Variants in RBFOX3 observed in about 807,000 individuals in gnomAD.
RBFOX3 encodes the protein RNA binding fox-1 homolog 3, also known as RNA binding protein fox-1 homolog 3.
Under a neutral mutation model 48.7 loss-of-function variants are expected in RBFOX3, and 17 were observed. The observed-to-expected ratio is 0.35, with a 90% CI of 0.24 to 0.52. The LOEUF (loss-of-function observed/expected upper bound fraction) is 0.52, where lower values mean the gene tolerates loss of function less well. Among genes scored for constraint, RBFOX3 ranks in the 20% least tolerant of loss-of-function variants. The pLI is 0.94. For synonymous variants in RBFOX3, 212 were observed against 209.5 expected (o/e 1.01, Z -0.10); for missense variants, 382 against 497.5 (o/e 0.77, Z 2.21).
intron 1 of RBFOX3, among the ~76,000 whole-genome samples, chr17:79,545,213 G>C (rs747158476): frequency 4.6e-5 from 7 of 152,204 alleles, no homozygotes; most frequent in Non-Finnish European, 8.8e-5. Flanking sequence ...CTAAGAGAAG[G>C]TATCAGAATC....
At chr17:79,651,076 G>T in the RBFOX3 span, among the ~76,000 whole-genome samples, 3 of 152,334 alleles carry the variant, frequency 2.0e-5, no homozygotes, top group Admixed American at 2.0e-4. Context: ...TCCCTGCAGG[G>T]TTGAGTTCCA....
chr17:79,451,325 G>A (rs1347238023), intron 2 of RBFOX3, among the ~76,000 whole-genome samples: 2 of 152,222 alleles, frequency 1.3e-5, no homozygotes, highest in African/African-American at 4.8e-5. Flanking sequence ...GGGACTGTCA[G>A]TGTGGGTGAC....
intron 2 of RBFOX3, among the ~76,000 whole-genome samples, chr17:79,465,143 C>T (rs1417273735): frequency 6.6e-6 from 1 of 152,200 alleles, no homozygotes; most frequent in Non-Finnish European, 1.5e-5. Flanking sequence ...GGCCCTCAGA[C>T]CCTCGAGCCG....
intron 2 of RBFOX3, among the ~76,000 whole-genome samples, chr17:79,464,316 C>T (rs1285381484): frequency 8.5e-5 from 13 of 152,226 alleles, no homozygotes; most frequent in Non-Finnish European, 1.2e-4. Context: ...GAAATGTTAG[C>T]GACAGCCCGG....
chr17:79,629,118 G>A, the RBFOX3 span, among the ~76,000 whole-genome samples: 2 of 152,234 alleles, frequency 1.3e-5, no homozygotes, highest in East Asian at 1.9e-4. Context: ...CCCGCGCCCT[G>A]GGTGTGGAGT....
rs961410697 is a variant in RBFOX3, at chr17:79,381,650, C to T, written c.-174-73826G>A. On this transcript the variant is annotated intron_variant, in intron 2 of 14. Coordinates refer to ENST00000693108, the MANE Select transcript of RBFOX3 (RefSeq NM_001350451.2). Reference sequence around the variant, plus strand: ...GTGTGAATAAACTGACCACCTTGTACGACTTCGATCTGTTATTGAGGTAGG... The same window carrying T: ...GTGTGAATAAACTGACCACCTTGTATGACTTCGATCTGTTATTGAGGTAGG... 3.9e-5 allele frequency among the ~76,000 whole-genome samples: 6 copies of T among 152,204 alleles called. No individual in the cohort carries two copies. The East Asian group carries it at 9.6e-4, about 24-fold the overall frequency.
intron 1 of RBFOX3, among the ~76,000 whole-genome samples, chr17:79,587,876 A>G (rs2093303850): frequency 6.6e-6 from 1 of 152,134 alleles, no homozygotes; most frequent in African/African-American, 2.4e-5. Context: ...ATGGGCTCTC[A>G]CCCAGGCTGG....
chr17:79,649,681 A>G, the RBFOX3 span, among the ~76,000 whole-genome samples: 1 of 152,158 alleles, frequency 6.6e-6, no homozygotes, highest in African/African-American at 2.4e-5. Flanking sequence ...ACTTCAGCCG[A>G]CAGAGCAACA....
At chr17:79,336,832 G>A (rs2081269301) in intron 2 of RBFOX3, among the ~76,000 whole-genome samples, 1 of 152,166 alleles carries the variant, frequency 6.6e-6, no homozygotes. Flanking sequence ...AATAAAAAGT[G>A]AAGTGGGCCG....
chr17:79,245,646 T>C (rs2063063072), intron 3 of RBFOX3, among the ~76,000 whole-genome samples: 1 of 150,004 alleles, frequency 6.7e-6, no homozygotes, highest in African/African-American at 2.5e-5. Flanking sequence ...TTTTTTTTTT[T>C]TTGAGACACC....
chr17:79,663,049 C>T, the RBFOX3 span, among the ~76,000 whole-genome samples: 1 of 152,120 alleles, frequency 6.6e-6, no homozygotes, highest in African/African-American at 2.4e-5. Flanking sequence ...CCCTGGTTAC[C>T]CTGGCATTTC....
At chr17:79,286,990 T>C (rs1308635237) in intron 3 of RBFOX3, among the ~76,000 whole-genome samples, 1 of 152,228 alleles carries the variant, frequency 6.6e-6, no homozygotes, top group Non-Finnish European at 1.5e-5. Context: ...GAAAGCAGCA[T>C]GAAGCCAGGC....
chr17:79,175,486 G>A lies in RBFOX3; in HGVS notation c.-33-59738C>T, dbSNP rs145647206. Among the ~76,000 whole-genome samples the A allele has an allele frequency of 3.6e-4, 55 of 152,364 alleles. 1 individual carries two copies. In the East Asian group the frequency reaches 9.3e-3, roughly 26 times the overall value. ...GGATCTCCCGGTGTGGGCACTGGCC[G>A]AGGGTGGGGTGACTGGGGTCCTTTC... On this transcript the variant is annotated intron_variant, in intron 4 of 14. Transcript: ENST00000693108.
intron 3 of RBFOX3, among the ~76,000 whole-genome samples, chr17:79,258,981 CTCTT>C (rs2065307997): frequency 6.6e-6 from 1 of 152,388 alleles, no homozygotes; most frequent in East Asian, 1.9e-4. Flanking sequence ...GGGAAGCCTG[CTCTT>C]TCTAAGTGGC....
At chr17:79,202,213 C>G (rs548394670) in intron 4 of RBFOX3, among the ~76,000 whole-genome samples, 1 of 152,086 alleles carries the variant, frequency 6.6e-6, no homozygotes, top group Non-Finnish European at 1.5e-5. Context: ...CTGGACTGTG[C>G]TCTGTCCCGC....
intron 4 of RBFOX3, among the ~76,000 whole-genome samples, chr17:79,144,059 C>T (rs968362280): frequency 7.2e-5 from 11 of 152,246 alleles, no homozygotes; most frequent in African/African-American, 2.7e-4. Flanking sequence ...GAGGAGGACA[C>T]ATCTAAGCCA....
intron 1 of RBFOX3, among the ~76,000 whole-genome samples, chr17:79,593,084 G>A (rs2093469141): frequency 6.6e-6 from 1 of 152,174 alleles, no homozygotes; most frequent in Non-Finnish European, 1.5e-5. Flanking sequence ...GGGGACAGAA[G>A]TGGGTGGCAG....
the RBFOX3 span, among the ~76,000 whole-genome samples, chr17:79,640,068 A>G: frequency 6.6e-6 from 1 of 152,188 alleles, no homozygotes; most frequent in African/African-American, 2.4e-5. Context: ...TACGTAGAAA[A>G]CCCTAAAAAC....
intron 1 of RBFOX3, among the ~76,000 whole-genome samples, chr17:79,582,196 CCGTGTATGTGCCTGTG>C (rs1212412385): frequency 1.3e-5 from 2 of 149,304 alleles, no homozygotes; most frequent in African/African-American, 5.0e-5. Context: ...ACGTGCCTGC[CCGTGTATGTGCCTGTG>C]CGTGCCTGTG....
Sources: gnomAD v4.1 joint callset for allele counts (sites outside exome capture counted in the v4.1 genomes callset) on GRCh38, gnomAD v4.1.1 for gene constraint, MANE v1.5 for transcripts, NCBI Gene and HGNC (gene_info 2026-07-23, HGNC 2026-07-21) for gene names.